Variants in TSG101 observed in about 807,000 individuals in gnomAD.
TSG101 encodes tumor susceptibility gene 101 protein.
TSG101 carries 19 observed loss-of-function variants against 48.5 expected under a neutral mutation model. The ratio of observed to expected loss-of-function variants is 0.39; its 90% CI spans 0.27 to 0.58. The LOEUF (loss-of-function observed/expected upper bound fraction) is 0.58. TSG101 is among the 20% of genes least tolerant of loss of function. TSG101 has a pLI of 0.55. For synonymous variants in TSG101, 174 were observed against 169.4 expected, an observed-to-expected ratio of 1.03 and a Z score of -0.21; for missense variants, 365 against 484.4, an observed-to-expected ratio of 0.75 and a Z score of 2.31.
intron 4 of TSG101, 52 bp downstream of exon 4, chr11:18,514,626 T>C (rs1850139656): frequency 6.9e-7 from 1 of 1,444,144 alleles, no homozygotes; most frequent in South Asian, 1.6e-5. Context: ...CAGATGCTAG[T>C]GAGCAAAATA....
At position 18,509,433 on chromosome 11, in the gene TSG101, T is replaced by C. The variant is rs1187703571; in HGVS notation, c.481+109A>G. The C allele has an allele frequency of 1.1e-5, 15 of 1,403,072 alleles. No homozygotes were observed. The Admixed American group carries it at 2.8e-4, about 26-fold the overall frequency. 86.9% of individuals were successfully genotyped at this position (1,403,072 alleles called of 1,614,324 possible). A position where few individuals can be genotyped will look rare whatever the true frequency, so the allele number is the denominator to read the frequency against. On this transcript the variant is annotated intron_variant, in intron 5 of 9. Coordinates refer to ENST00000251968, the MANE Select transcript of TSG101 (RefSeq NM_006292.4). ...GAATACTTCCAAAAAATCCACTAGC[T>C]TGATAAACTAAAAAGCAAAGAAGTC...
chr11:18,489,098 A>G lies in TSG101; in HGVS notation c.641-5026T>C, dbSNP rs374348628. Among the ~76,000 whole-genome samples, 10 of 151,686 alleles carry G rather than the reference A, an allele frequency of 6.6e-5. No individual in the cohort carries two copies. The East Asian group carries it at 1.8e-3, about 27-fold the overall frequency. On this transcript the variant is annotated intron_variant, in intron 7 of 9. Coordinates refer to ENST00000251968, the MANE Select transcript of TSG101 (RefSeq NM_006292.4). Reference sequence around the variant, plus strand: ...CCACTGCACTCCAGCCTGACAACACAGCAAGACTCCATCTCAAAAAAAAAA... The same window carrying G: ...CCACTGCACTCCAGCCTGACAACACGGCAAGACTCCATCTCAAAAAAAAAA...
intron 3 of TSG101, among the ~76,000 whole-genome samples, chr11:18,515,693 C>T (rs1233345338): frequency 6.6e-6 from 1 of 152,184 alleles, no homozygotes; most frequent in Non-Finnish European, 1.5e-5. Flanking sequence ...TAACATGTAA[C>T]AAAACTGCTA....
At chr11:18,517,566 A>T (rs780423447) in intron 2 of TSG101, among the ~76,000 whole-genome samples, 48 of 152,348 alleles carry the variant, frequency 3.2e-4, no homozygotes, top group African/African-American at 1.1e-3. Flanking sequence ...CCATAAGATT[A>T]TAATACTGTA....
intron 1 of TSG101, among the ~76,000 whole-genome samples, chr11:18,525,360 C>CA (rs1157082947): frequency 1.3e-5 from 2 of 151,906 alleles, no homozygotes; most frequent in African/African-American, 4.8e-5. Context: ...GCCTGGCCAA[C>CA]ATGGTGAAAT....
chr11:18,506,391 TA>T (rs113581499), intron 6 of TSG101, among the ~76,000 whole-genome samples: 85,208 of 148,078 alleles, frequency 0.58, 26,677 homozygotes, highest in Non-Finnish European at 0.69. Context: ...TCTCTTCTTT[TA>T]AAAAAAAAAA....
intron 6 of TSG101, among the ~76,000 whole-genome samples, chr11:18,502,895 G>T (rs1426029803): frequency 6.6e-6 from 1 of 152,154 alleles, no homozygotes; most frequent in Non-Finnish European, 1.5e-5. Flanking sequence ...ATTTGTGAGA[G>T]AACTTTTCCG....
Position 18,526,505 on chromosome 11 carries a change from AGAGGAGGGCGGGTGGGCGGCAGG to A in TSG101, c.42+247_42+269del, listed in dbSNP as rs1314468240. ...CAGACAGCTCCAAACTCAGTGGAAG[AGAGGAGGGCGGGTGGGCGGCAGG>A]TGTCAGGTAGCCTCCGCTCCACGCC... On this transcript the variant is annotated intron_variant, in intron 1 of 9. Transcript: ENST00000251968. Among the ~76,000 whole-genome samples the A allele has an allele frequency of 3.3e-5, 5 of 152,348 alleles. No individual in the cohort carries two copies. The East Asian group carries it at 7.7e-4, about 24-fold the overall frequency.
In TSG101 at chr11:18,481,657, G is replaced by C. The variant is rs759799363; in HGVS notation, c.1056C>G (p.Gly352=). 6.2e-7 allele frequency: 1 copy of C among 1,614,008 alleles called. No homozygotes were observed. The highest frequency in any genetic ancestry group is 8.5e-7 in the Non-Finnish European group (1 of 1,179,984). ...IFYLGEALRR[G]VIDLDVFLKH... is the part of the protein sequence containing the mutation. Reference sequence around the variant, plus strand: ...TCAGGAAGACATCCAGGTCTATCACGCCCCTTCTCAAGGCTTCTCCCAAGT... The same window carrying C: ...TCAGGAAGACATCCAGGTCTATCACCCCCCTTCTCAAGGCTTCTCCCAAGT... The change falls in exon 9 of 10, where the codon GGC becomes GGG. Residue 352 remains glycine (G), a synonymous_variant. Coordinates refer to ENST00000251968, the MANE Select transcript of TSG101 (RefSeq NM_006292.4).
At position 18,521,082 on chromosome 11, in the gene TSG101, A is replaced by C. The variant is rs141702484; in HGVS notation, c.43-1479T>G. On this transcript the variant is annotated intron_variant, in intron 1 of 9. Coordinates refer to ENST00000251968, the MANE Select transcript of TSG101 (RefSeq NM_006292.4). Reference sequence around the variant, plus strand: ...TATATTTTTCTCCTCTTCTCTGGTAAGATCACTTCATAGAGGATAACGTTT... The same window carrying C: ...TATATTTTTCTCCTCTTCTCTGGTACGATCACTTCATAGAGGATAACGTTT... Among the ~76,000 whole-genome samples, 757 of 152,130 alleles carry C rather than the reference A, an allele frequency of 5.0e-3. 7 individuals carry two copies. The highest frequency in any genetic ancestry group is 0.018 in the African/African-American group (733 of 41,526).
chr11:18,511,885 A>G (rs945901788), intron 4 of TSG101, among the ~76,000 whole-genome samples: 1 of 152,172 alleles, frequency 6.6e-6, no homozygotes, highest in Non-Finnish European at 1.5e-5. Context: ...AAATGAAATC[A>G]TACAATATAT....
chr11:18,486,398 T>C (rs975774640), intron 7 of TSG101, among the ~76,000 whole-genome samples: 1 of 152,192 alleles, frequency 6.6e-6, no homozygotes, highest in African/African-American at 2.4e-5. Flanking sequence ...ATCAACACTA[T>C]CACTGCTTCA....
At chr11:18,485,029 C>T (rs1189869412) in intron 7 of TSG101, among the ~76,000 whole-genome samples, 2 of 144,602 alleles carry the variant, frequency 1.4e-5, no homozygotes, top group East Asian at 4.1e-4. Context: ...ACCTCTGCCT[C>T]CTGAGTTCAA....
At chr11:18,503,537 TA>T (rs1849921800) in intron 6 of TSG101, among the ~76,000 whole-genome samples, 1 of 151,994 alleles carries the variant, frequency 6.6e-6, no homozygotes, top group African/African-American at 2.4e-5. Flanking sequence ...CACACCCGGC[TA>T]ATTTTTTGTA....
At chr11:18,503,370 ATTTTTTTT>A (rs397848238) in intron 6 of TSG101, among the ~76,000 whole-genome samples, 1 of 130,850 alleles carries the variant, frequency 7.6e-6, no homozygotes, top group Non-Finnish European at 1.6e-5. Context: ...TTCAGGTTAA[ATTTTTTTT>A]TTTTTTTTTT....
chr11:18,502,637 A>C, intron 6 of TSG101, 60 bp from the exon 7 acceptor site: 1 of 1,327,380 alleles, frequency 7.5e-7, no homozygotes, highest in South Asian at 1.3e-5. Flanking sequence ...TAGTATTTTG[A>C]AGAACCCCAT....
At chr11:18,520,501 C>T (rs1850252191) in intron 1 of TSG101, among the ~76,000 whole-genome samples, 1 of 152,130 alleles carries the variant, frequency 6.6e-6, no homozygotes, top group Admixed American at 6.6e-5. Flanking sequence ...TTGGGATTTA[C>T]AGGCACGTAT....
chr11:18,482,162 G>A (rs1366555870), intron 8 of TSG101, among the ~76,000 whole-genome samples: 1 of 152,220 alleles, frequency 6.6e-6, no homozygotes, highest in Admixed American at 6.5e-5. Flanking sequence ...CATCAGACAA[G>A]ATACTTTCCA....
intron 7 of TSG101, among the ~76,000 whole-genome samples, chr11:18,493,524 A>C (rs926612185): frequency 2.0e-5 from 3 of 152,172 alleles, no homozygotes; most frequent in African/African-American, 7.2e-5. Flanking sequence ...CCTCACCCTT[A>C]ATCAGCAAAA....
Sources: gnomAD v4.1 joint callset for allele counts (sites outside exome capture counted in the v4.1 genomes callset) on GRCh38, gnomAD v4.1.1 for gene constraint, MANE v1.5 for transcripts, NCBI Gene and HGNC (gene_info 2026-07-23, HGNC 2026-07-21) for gene names.